Variants in BABAM2 observed in about 807,000 individuals in gnomAD.
BABAM2 encodes the protein BRISC and BRCA1 A complex member 2.
BABAM2 carries 31 observed loss-of-function variants against 54.7 expected under a neutral mutation model. The observed-to-expected ratio is 0.57, with a 90% CI of 0.43 to 0.77. The LOEUF is 0.77. BABAM2 is among the 30% of genes least tolerant of loss of function. The probability of loss-of-function intolerance (pLI) is 0.00; values close to 1 mark genes in which losing one functional copy is unlikely to be tolerated. For synonymous variants in BABAM2, 167 were observed against 162.9 expected (o/e 1.03, Z -0.19); for missense variants, 364 against 455.8 (o/e 0.80, Z 1.83).
chr2:27,947,524 G>A (rs2148398781), intron 3 of BABAM2, among the ~76,000 whole-genome samples: 1 of 152,108 alleles, frequency 6.6e-6, no homozygotes. Context: ...TTAGCAAAAT[G>A]TTCAAACCTT....
At chr2:28,178,818 T>C (rs139006855) in intron 7 of BABAM2, among the ~76,000 whole-genome samples, 2,007 of 151,698 alleles carry the variant, frequency 0.013, 30 homozygotes, top group South Asian at 0.05. Flanking sequence ...TTACAACTGA[T>C]ACCACAGAAA....
intron 3 of BABAM2, among the ~76,000 whole-genome samples, chr2:27,965,886 A>T (rs1670804405): frequency 6.9e-6 from 1 of 145,584 alleles, no homozygotes; most frequent in African/African-American, 2.6e-5. Flanking sequence ...CTTGGTTCTC[A>T]TTTCTTTGCC....
chr2:28,063,925 G>A (rs976638179), intron 6 of BABAM2, among the ~76,000 whole-genome samples: 3 of 152,100 alleles, frequency 2.0e-5, no homozygotes, highest in African/African-American at 7.2e-5. Flanking sequence ...GTTACCCAGG[G>A]TTATCCTAAC....
intron 6 of BABAM2, among the ~76,000 whole-genome samples, chr2:28,119,106 T>C (rs150468998): frequency 1.9e-4 from 29 of 152,350 alleles, no homozygotes; most frequent in African/African-American, 6.3e-4. Flanking sequence ...ACCAGTACTA[T>C]GCTGTTTTGG....
chr2:28,077,286 A>G (rs1258422454), intron 6 of BABAM2, among the ~76,000 whole-genome samples: 1 of 152,242 alleles, frequency 6.6e-6, no homozygotes, highest in East Asian at 1.9e-4. Context: ...TTTAAGAACT[A>G]AAGTTTTAAG....
chr2:28,159,345 AC>A (rs1672837328), intron 7 of BABAM2, among the ~76,000 whole-genome samples: 1 of 152,202 alleles, frequency 6.6e-6, no homozygotes, highest in Non-Finnish European at 1.5e-5. Context: ...AGAGGTGTGC[AC>A]GTAGAACCAT....
At chr2:27,924,635 C>T (rs1020390275) in intron 2 of BABAM2, among the ~76,000 whole-genome samples, 7 of 152,198 alleles carry the variant, frequency 4.6e-5, no homozygotes, top group Non-Finnish European at 1.5e-5. Flanking sequence ...CTGCCTGCCT[C>T]AGCCTCCCAG....
intron 7 of BABAM2, among the ~76,000 whole-genome samples, chr2:28,167,036 G>A (rs911737436): frequency 3.3e-5 from 5 of 152,192 alleles, no homozygotes; most frequent in Admixed American, 2.6e-4. Context: ...ATGAGTTGCC[G>A]ATAATATAGT....
intron 4 of BABAM2, among the ~76,000 whole-genome samples, chr2:28,016,832 A>T: frequency 6.6e-6 from 1 of 152,220 alleles, no homozygotes; most frequent in East Asian, 1.9e-4. Context: ...TCTTGTCTCC[A>T]CTTCATTTTG....
At chr2:28,224,849 GACAAAAAAAAAAAA>G (rs1024818260) in intron 7 of BABAM2, among the ~76,000 whole-genome samples, 7 of 60,372 alleles carry the variant, frequency 1.2e-4, no homozygotes, top group African/African-American at 4.1e-4. Flanking sequence ...ACGGTAAATT[GACAAAAAAAAAAAA>G]AAAAAAAAAA....
chr2:28,246,224 G>T (rs1034348875), intron 10 of BABAM2, among the ~76,000 whole-genome samples: 1 of 152,134 alleles, frequency 6.6e-6, no homozygotes, highest in African/African-American at 2.4e-5. Flanking sequence ...GTCTTCGATG[G>T]CCCTACTAAT....
At chr2:28,059,334 G>C (rs1026199338) in intron 6 of BABAM2, among the ~76,000 whole-genome samples, 1 of 152,040 alleles carries the variant, frequency 6.6e-6, no homozygotes, top group Non-Finnish European at 1.5e-5. Flanking sequence ...CCTTGTATCT[G>C]TTGCAGATTT....
At chr2:28,062,639 A>G (rs539915146) in intron 6 of BABAM2, among the ~76,000 whole-genome samples, 1 of 152,210 alleles carries the variant, frequency 6.6e-6, no homozygotes, top group Admixed American at 6.5e-5. Flanking sequence ...CTGCATTATC[A>G]GCAATGATAC....
chr2:28,050,467 A>G (rs1009872480), intron 6 of BABAM2, among the ~76,000 whole-genome samples: 5 of 152,176 alleles, frequency 3.3e-5, no homozygotes, highest in South Asian at 2.1e-4. Context: ...GTGCCACTCA[A>G]TATCCTGAGC....
At chr2:27,922,595 T>C (rs1406849828) in intron 2 of BABAM2, among the ~76,000 whole-genome samples, 1 of 152,204 alleles carries the variant, frequency 6.6e-6, no homozygotes, top group Non-Finnish European at 1.5e-5. Flanking sequence ...AACTTTAAAA[T>C]AGTGCATTCC....
chr2:28,151,123 T>C (rs928283137), intron 7 of BABAM2, among the ~76,000 whole-genome samples: 2 of 152,216 alleles, frequency 1.3e-5, no homozygotes, highest in Non-Finnish European at 2.9e-5. Context: ...GACTTTACTC[T>C]GTAGGTTCTA....
rs72854457 is a variant in BABAM2, at chr2:28,002,554, C to T, written c.300+14467C>T. 2.8e-3 allele frequency among the ~76,000 whole-genome samples: 420 copies of T among 152,030 alleles called. 1 individual carries two copies. Among genetic ancestry groups the T allele is most frequent in the African/African-American group, 9.7e-3 (402 of 41,462 alleles). On this transcript the variant is annotated intron_variant, in intron 4 of 11. Coordinates refer to ENST00000379624, the MANE Select transcript of BABAM2 (RefSeq NM_199191.3). ...ATATAAATATTAATCAATGTAATTA[C>T]TCAGATTCAGGTAGTCCACTTAATC... is the stretch of plus-strand genomic sequence containing the variant.
chr2:28,314,055 A>G (rs1238984795), intron 11 of BABAM2, among the ~76,000 whole-genome samples: 2 of 152,188 alleles, frequency 1.3e-5, no homozygotes, highest in Admixed American at 6.5e-5. Context: ...CAGAAAAGTG[A>G]GCATTACAGG....
At chr2:28,072,835 A>G (rs191303287) in intron 6 of BABAM2, among the ~76,000 whole-genome samples, 4 of 152,340 alleles carry the variant, frequency 2.6e-5, no homozygotes, top group African/African-American at 9.6e-5. Flanking sequence ...GAAAACTTTG[A>G]ACATATACAA....
Sources: gnomAD v4.1 joint callset for allele counts (sites outside exome capture counted in the v4.1 genomes callset) on GRCh38, gnomAD v4.1.1 for gene constraint, MANE v1.5 for transcripts, NCBI Gene and HGNC (gene_info 2026-07-23, HGNC 2026-07-21) for gene names.